KDM4B: variants seen among roughly 807,000 people sequenced by gnomAD.
The protein encoded by KDM4B is lysine demethylase 4B.
In KDM4B, 32 loss-of-function variants were observed where a neutral mutation model predicts 125.2. The ratio of observed to expected loss-of-function variants is 0.26; its 90% CI spans 0.19 to 0.34. The LOEUF is 0.34. Among genes scored for constraint, KDM4B ranks in the 10% least tolerant of loss-of-function variants. The probability of loss-of-function intolerance (pLI) is 1.00; values close to 1 mark genes in which losing one functional copy is unlikely to be tolerated. For missense variants in KDM4B, 1,190 were observed against 1,577.7 expected (o/e 0.75, Z 4.16); for synonymous variants, 721 against 677.9 (o/e 1.06, Z -0.99).
At chr19:4,985,506 C>T (rs1285509055) in intron 1 of KDM4B, among the ~76,000 whole-genome samples, 2 of 152,194 alleles carry the variant, frequency 1.3e-5, no homozygotes, top group African/African-American at 4.8e-5. Flanking sequence ...GCTGGGATTC[C>T]CAAGTGGAGA....
intron 9 of KDM4B, among the ~76,000 whole-genome samples, chr19:5,085,880 T>C (rs2038476267): frequency 6.6e-6 from 1 of 152,196 alleles, no homozygotes. Flanking sequence ...CTGGAGAGTC[T>C]GTTAGAGCAT....
At chr19:5,143,609 C>G (rs1464724686) in intron 18 of KDM4B, among the ~76,000 whole-genome samples, 1 of 152,156 alleles carries the variant, frequency 6.6e-6, no homozygotes, top group Non-Finnish European at 1.5e-5. Flanking sequence ...CGTGGTTCCT[C>G]TGGCTGAGCG....
Position 5,075,982 on chromosome 19 carries a change from T to C in KDM4B, c.677-1385T>C, listed in dbSNP as rs576233518. 2.7e-4 allele frequency: 45 copies of C among 164,148 alleles called. 1 individual carries two copies. The South Asian group carries it at 4.7e-3, about 17-fold the overall frequency. 10.2% of individuals were successfully genotyped at this position (164,148 alleles called of 1,614,324 possible). On this transcript the variant is annotated intron_variant, in intron 7 of 22. Coordinates refer to ENST00000159111, the MANE Select transcript of KDM4B (RefSeq NM_015015.3). Reference sequence around the variant, plus strand: ...AGGGGGAGGCAGCACTGCTAACTCCTCACCGTCCCTGGCTGGTCTGGTTCT... The same window carrying C: ...AGGGGGAGGCAGCACTGCTAACTCCCCACCGTCCCTGGCTGGTCTGGTTCT...
At chr19:5,134,159 A>G (rs1369321525) in intron 14 of KDM4B, 98 bp downstream of exon 14, 2 of 1,199,856 alleles carry the variant, frequency 1.7e-6, no homozygotes, top group Non-Finnish European at 2.3e-6. Flanking sequence ...TCTCTCACGC[A>G]GGGCAGGGTG....
intron 1 of KDM4B, among the ~76,000 whole-genome samples, chr19:5,015,670 T>C (rs1000286242): frequency 6.6e-6 from 1 of 152,208 alleles, no homozygotes; most frequent in African/African-American, 2.4e-5. Context: ...GACGCTATAG[T>C]GAGACCCTGT....
In KDM4B at chr19:5,078,457, C is replaced by T. The variant is rs930883740; in HGVS notation, c.780+987C>T. 5 of 152,178 alleles carry T rather than the reference C, an allele frequency of 3.3e-5. No homozygotes were observed. Among genetic ancestry groups the T allele is most frequent in the Admixed American group, 1.3e-4 (2 of 15,270 alleles). 9.4% of individuals were successfully genotyped at this position (152,178 alleles called of 1,614,324 possible). On this transcript the variant is annotated intron_variant, in intron 8 of 22. Transcript: ENST00000159111. This position sits in a 1 kb window ranked among gnomAD's most constrained non-coding sequence, Gnocchi z 4.5. ...CAACCCAGAGGCCGCCTCCCAGCCG[C>T]TGCAGGCATTCATCAGACAGCACAG...
intron 11 of KDM4B, among the ~76,000 whole-genome samples, chr19:5,121,860 G>A (rs1044646784): frequency 1.1e-4 from 17 of 152,034 alleles, no homozygotes; most frequent in African/African-American, 3.6e-4. Flanking sequence ...AGAGGCTGGG[G>A]CCACCCTTCC....
chr19:5,007,149 C>T (rs563982208), intron 1 of KDM4B, among the ~76,000 whole-genome samples: 9 of 152,348 alleles, frequency 5.9e-5, no homozygotes, highest in African/African-American at 2.2e-4. Context: ...CTCCATCTCC[C>T]ATTTGAGAGT....
At chr19:5,070,216 C>T (rs1309279050) in intron 6 of KDM4B, among the ~76,000 whole-genome samples, 4 of 152,118 alleles carry the variant, frequency 2.6e-5, no homozygotes, top group African/African-American at 4.8e-5. Context: ...TTTGTTTTGC[C>T]GGAGGCCTTG....
intron 1 of KDM4B, among the ~76,000 whole-genome samples, chr19:5,004,027 T>A (rs2035477489): frequency 6.6e-6 from 1 of 152,130 alleles, no homozygotes; most frequent in South Asian, 2.1e-4. Context: ...TTCGTGTTAT[T>A]TTTTAGAGTT....
rs888762583 is a variant in KDM4B, at chr19:5,141,844, C to T, written c.2551-2123C>T. ...GAGCTCCCTGGAGGATCTGGGAGGT[C>T]TGGGAGGGGCTTGGGATGGGGGGAG... is the stretch of plus-strand genomic sequence containing the variant. On this transcript the variant is annotated intron_variant, in intron 18 of 22. Coordinates refer to ENST00000159111, the MANE Select transcript of KDM4B (RefSeq NM_015015.3). The surrounding 1 kb of genome is among the most constrained non-coding windows in gnomAD (Gnocchi z 6.4). 2.3e-4 allele frequency among the ~76,000 whole-genome samples: 35 copies of T among 152,036 alleles called. No homozygotes were observed. Among genetic ancestry groups the T allele is most frequent in the African/African-American group, 8.4e-4 (35 of 41,480 alleles).
At position 5,033,047 on chromosome 19, in the gene KDM4B, G is replaced by A; in HGVS notation, c.141+16G>A. On this transcript the variant is annotated intron_variant, in intron 3 of 22. Transcript: ENST00000159111. ...CCTGGCCAAGGTGGGTGACATCCTG[G>A]CCCCAGCGCGGCCCTCCATCAGCCT... 2 of 1,611,134 alleles carry A rather than the reference G, an allele frequency of 1.2e-6. No individual in the cohort carries two copies. The highest frequency in any genetic ancestry group is 1.7e-6 in the Non-Finnish European group (2 of 1,178,686).
intron 2 of KDM4B, among the ~76,000 whole-genome samples, chr19:5,018,683 C>T (rs1415054385): frequency 6.6e-6 from 1 of 152,238 alleles, no homozygotes. Flanking sequence ...ATCTCATTGT[C>T]CCAGAGGAAG....
chr19:5,107,840 C>T (rs755335503), intron 9 of KDM4B, among the ~76,000 whole-genome samples: 3 of 152,366 alleles, frequency 2.0e-5, no homozygotes, highest in South Asian at 2.1e-4. Flanking sequence ...CCTGTGTCCT[C>T]GAAGGCTGTG....
intron 2 of KDM4B, among the ~76,000 whole-genome samples, chr19:5,024,164 C>T (rs1362686525): frequency 1.3e-5 from 2 of 152,166 alleles, no homozygotes; most frequent in Non-Finnish European, 2.9e-5. Context: ...TCCTGCCCCA[C>T]CTTCAAGTTC....
At chr19:4,996,030 G>GC (rs1013644518) in intron 1 of KDM4B, among the ~76,000 whole-genome samples, 17 of 151,802 alleles carry the variant, frequency 1.1e-4, no homozygotes, top group African/African-American at 3.6e-4. Flanking sequence ...TCGCTCTGTC[G>GC]CCCAGGCTGG....
intron 2 of KDM4B, among the ~76,000 whole-genome samples, chr19:5,025,356 C>A (rs1337092954): frequency 1.3e-5 from 2 of 152,216 alleles, no homozygotes; most frequent in Non-Finnish European, 2.9e-5. Flanking sequence ...GTGAAATGAA[C>A]CCACAGGGTT....
intron 11 of KDM4B, among the ~76,000 whole-genome samples, chr19:5,126,461 G>A (rs150118065): frequency 6.6e-6 from 1 of 152,316 alleles, no homozygotes; most frequent in Admixed American, 6.5e-5. Flanking sequence ...ACAGGGTCAG[G>A]GGGCAGAGCC....
chr19:4,970,380 A>G (rs563519190), intron 1 of KDM4B, among the ~76,000 whole-genome samples: 3 of 152,320 alleles, frequency 2.0e-5, no homozygotes, highest in South Asian at 2.1e-4. Flanking sequence ...TGATCCTGTC[A>G]TATGTGAAGA....
Sources: allele counts gnomAD v4.1 joint callset (sites outside exome capture counted in the v4.1 genomes callset), GRCh38; gene constraint gnomAD v4.1.1; non-coding constraint Gnocchi (gnomAD v3.1); transcripts MANE v1.5; gene names NCBI Gene and HGNC (gene_info 2026-07-23, HGNC 2026-07-21).